Variants in EML4 observed in about 807,000 individuals in gnomAD.
The protein encoded by EML4 is echinoderm microtubule-associated protein-like 4.
Under a neutral mutation model 129.0 loss-of-function variants are expected in EML4, and 72 were observed. The ratio of observed to expected loss-of-function variants is 0.56; its 90% CI spans 0.46 to 0.68. The LOEUF (loss-of-function observed/expected upper bound fraction) is 0.68, where lower values mean the gene tolerates loss of function less well. Among genes scored for constraint, EML4 ranks in the 30% least tolerant of loss-of-function variants. The pLI, the probability that EML4 is intolerant of heterozygous loss-of-function variation, is 0.00. For synonymous variants in EML4, 532 were observed against 405.0 expected, an observed-to-expected ratio of 1.31 and a Z score of -3.77; for missense variants, 1,363 against 1,190.6, an observed-to-expected ratio of 1.14 and a Z score of -2.13.
intron 17 of EML4, among the ~76,000 whole-genome samples, chr2:42,311,502 CTG>C: frequency 6.6e-6 from 1 of 152,068 alleles, no homozygotes; most frequent in Middle Eastern, 3.4e-3. Context: ...CTGCAGTAAA[CTG>C]CACTCCAGCC....
At chr2:42,302,981 C>A in intron 14 of EML4, 123 bp from the exon 15 acceptor site, 1 of 794,954 alleles carries the variant, frequency 1.3e-6, no homozygotes, top group South Asian at 1.8e-5. Context: ...ATGAGATTAC[C>A]ATATCCAAAT....
At chr2:42,197,821 G>A (rs1213305736) in intron 1 of EML4, among the ~76,000 whole-genome samples, 1 of 152,186 alleles carries the variant, frequency 6.6e-6, no homozygotes, top group Non-Finnish European at 1.5e-5. Flanking sequence ...AATAACTCCA[G>A]ATGTGCTCCA....
At chr2:42,193,727 C>T (rs1012752977) in intron 1 of EML4, among the ~76,000 whole-genome samples, 1 of 151,450 alleles carries the variant, frequency 6.6e-6, no homozygotes, top group Non-Finnish European at 1.5e-5. Context: ...GGTATGTCAC[C>T]TAGGCTGTTG....
intron 9 of EML4, 108 bp from the exon 10 acceptor site, chr2:42,286,160 AG>A: frequency 1.4e-6 from 1 of 737,926 alleles, no homozygotes; most frequent in South Asian, 1.4e-5. Context: ...GTAATTTATT[AG>A]AAGCTTATCC....
chr2:42,276,867 A>T (rs1440478920), intron 6 of EML4, among the ~76,000 whole-genome samples: 1 of 152,222 alleles, frequency 6.6e-6, no homozygotes, highest in Non-Finnish European at 1.5e-5. Context: ...GATCTCCAAC[A>T]TATATGACCA....
intron 2 of EML4, among the ~76,000 whole-genome samples, chr2:42,252,913 C>T (rs919264551): frequency 2.4e-4 from 36 of 152,122 alleles, no homozygotes; most frequent in African/African-American, 8.2e-4. Flanking sequence ...GTACTTACCA[C>T]GTTTTCATTG....
intron 1 of EML4, among the ~76,000 whole-genome samples, chr2:42,241,967 T>G (rs1675067684): frequency 6.6e-6 from 1 of 152,198 alleles, no homozygotes; most frequent in South Asian, 2.1e-4. Context: ...TGAAAAATTG[T>G]TCTTGTGTCT....
chr2:42,235,791 C>G (rs1484181476), intron 1 of EML4, among the ~76,000 whole-genome samples: 2 of 151,820 alleles, frequency 1.3e-5, no homozygotes, highest in Non-Finnish European at 2.9e-5. Context: ...GTCATAAAGA[C>G]CATCTAGTAT....
chr2:42,203,878 G>C (rs770595963), intron 1 of EML4, among the ~76,000 whole-genome samples: 3 of 152,054 alleles, frequency 2.0e-5, no homozygotes, highest in Admixed American at 1.3e-4. Context: ...ATAAGGTATA[G>C]TGCTAAGCAC....
intron 1 of EML4, among the ~76,000 whole-genome samples, chr2:42,218,598 GAAGAGAATA>G (rs1312637256): frequency 1.3e-5 from 2 of 152,070 alleles, no homozygotes; most frequent in African/African-American, 4.8e-5. Flanking sequence ...GAGCCTGTCT[GAAGAGAATA>G]CAGTAGTGGA....
chr2:42,258,231 A>G (rs1665472656), intron 3 of EML4, among the ~76,000 whole-genome samples: 1 of 152,156 alleles, frequency 6.6e-6, no homozygotes, highest in Non-Finnish European at 1.5e-5. Context: ...ACATAAAACT[A>G]GTGACCTCTG....
intron 1 of EML4, among the ~76,000 whole-genome samples, chr2:42,226,329 G>T (rs571322372): frequency 6.6e-6 from 1 of 152,178 alleles, no homozygotes; most frequent in Admixed American, 6.5e-5. Flanking sequence ...AAGTTGAAGA[G>T]ATCTATTGTA....
At chr2:42,219,028 A>C (rs184069291) in intron 1 of EML4, among the ~76,000 whole-genome samples, 20 of 152,190 alleles carry the variant, frequency 1.3e-4, no homozygotes, top group Non-Finnish European at 2.4e-4. Flanking sequence ...TTTACTCCAA[A>C]ATTTAACTGA....
At chr2:42,266,621 G>C (rs551813848) in intron 6 of EML4, among the ~76,000 whole-genome samples, 1 of 151,940 alleles carries the variant, frequency 6.6e-6, no homozygotes, top group East Asian at 1.9e-4. Context: ...TGGGATTACA[G>C]GCGTGAGCCA....
chr2:42,221,461 G>A (rs942983329), intron 1 of EML4, among the ~76,000 whole-genome samples: 4 of 143,594 alleles, frequency 2.8e-5, no homozygotes, highest in African/African-American at 7.9e-5. Flanking sequence ...CCAGGCTAGA[G>A]CGCAGTAGTG....
rs1669303702 is a variant in EML4 at position 42,317,470 on chromosome 2, C to T, written c.2100C>T (p.Tyr700=). The T allele has an allele frequency of 6.2e-7, 1 of 1,612,838 alleles. No individual in the cohort carries two copies. Among genetic ancestry groups the T allele is most frequent in the Non-Finnish European group, 8.5e-7 (1 of 1,179,264 alleles). ...LAVGSHDNFI[Y]LYVVSENGRK... Reference sequence around the variant, plus strand: ...TAGGATCTCATGACAACTTTATTTACCTCTATGTAGTCTCTGAAAATGGAA... The same window carrying T: ...TAGGATCTCATGACAACTTTATTTATCTCTATGTAGTCTCTGAAAATGGAA... The change falls in exon 19 of 23, where the codon TAC becomes TAT. Residue 700 remains tyrosine (Y), a synonymous_variant. Transcript: ENST00000318522.
intron 17 of EML4, among the ~76,000 whole-genome samples, chr2:42,313,005 G>C (rs1312193606): frequency 6.9e-6 from 1 of 144,242 alleles, no homozygotes. Context: ...CTGGAGTGCA[G>C]TGGTGCCATG....
chr2:42,238,078 G>C (rs1247504024), intron 1 of EML4, among the ~76,000 whole-genome samples: 2 of 152,160 alleles, frequency 1.3e-5, no homozygotes, highest in South Asian at 4.1e-4. Flanking sequence ...TTTAAATACT[G>C]TATAAAATTA....
chr2:42,310,246 A>G (rs1282596099), intron 17 of EML4, among the ~76,000 whole-genome samples: 1 of 151,996 alleles, frequency 6.6e-6, no homozygotes, highest in Non-Finnish European at 1.5e-5. Flanking sequence ...GGGATTCTGT[A>G]AGGCCTAATG....
Sources: allele counts gnomAD v4.1 joint callset (sites outside exome capture counted in the v4.1 genomes callset), GRCh38; gene constraint gnomAD v4.1.1; transcripts MANE v1.5; gene names NCBI Gene and HGNC (gene_info 2026-07-23, HGNC 2026-07-21).